The following TMPRSS3 variants were observed in gnomAD, a reference collection of about 807,000 sequenced individuals.
TMPRSS3 encodes the protein transmembrane protease serine 3.
A neutral mutation model predicts 59.6 loss-of-function variants in TMPRSS3; 55 were observed. The observed-to-expected ratio is 0.92, with a 90% CI of 0.74 to 1.16. TMPRSS3 has a LOEUF of 1.16. Among genes scored for constraint, TMPRSS3 ranks in the 50% most tolerant of loss-of-function variants. The probability of loss-of-function intolerance (pLI) is 0.00; values close to 1 mark genes in which losing one functional copy is unlikely to be tolerated. For missense variants in TMPRSS3, 596 were observed against 579.4 expected (o/e 1.03, Z -0.29); for synonymous variants, 257 against 237.7 (o/e 1.08, Z -0.75).
At chr21:42,382,591 C>A in intron 8 of TMPRSS3, 3 of 392,654 alleles carry the variant, frequency 7.6e-6, no homozygotes, top group South Asian at 7.4e-5. Flanking sequence ...GTTTGGAAGT[C>A]TTTTCTGTAG....
chr21:42,387,398 A>C (rs1399979923), intron 5 of TMPRSS3, among the ~76,000 whole-genome samples: 1 of 74,848 alleles, frequency 1.3e-5, no homozygotes, highest in Non-Finnish European at 2.4e-5. Flanking sequence ...GTGTGTGTGT[A>C]CCTCTTCCTC....
intron 12 of TMPRSS3, among the ~76,000 whole-genome samples, chr21:42,374,599 A>G (rs1381185427): frequency 6.6e-6 from 1 of 152,154 alleles, no homozygotes; most frequent in Admixed American, 6.5e-5. Context: ...GTGGGGAGTA[A>G]CTGCGTGCTT....
chr21:42,394,010 G>A (rs1184347807), intron 2 of TMPRSS3, among the ~76,000 whole-genome samples: 2 of 152,080 alleles, frequency 1.3e-5, no homozygotes, highest in Non-Finnish European at 2.9e-5. Flanking sequence ...ATAGAAAAAG[G>A]CAAGAAATTC....
intron 2 of TMPRSS3, among the ~76,000 whole-genome samples, chr21:42,394,484 G>T (rs922668567): frequency 6.6e-6 from 1 of 152,158 alleles, no homozygotes; most frequent in Non-Finnish European, 1.5e-5. Context: ...GTGATTGCAA[G>T]ATTTTTTTTT....
chr21:42,385,670 T>G, intron 5 of TMPRSS3, 136 bp from the exon 6 acceptor site: 1 of 1,160,618 alleles, frequency 8.6e-7, no homozygotes, highest in Non-Finnish European at 1.3e-6. Context: ...ATCAAAGGCT[T>G]CCTTTGCCAA....
intron 11 of TMPRSS3, 57 bp from the exon 12 acceptor site, chr21:42,375,925 T>C (rs748451655): frequency 6.8e-6 from 11 of 1,606,132 alleles, no homozygotes; most frequent in Non-Finnish European, 9.3e-6. Context: ...GCGAGATTGC[T>C]TTCTGTGGAC....
At chr21:42,373,111 A>G (rs1040168521) in intron 12 of TMPRSS3, among the ~76,000 whole-genome samples, 5 of 152,204 alleles carry the variant, frequency 3.3e-5, no homozygotes, top group Non-Finnish European at 5.9e-5. Context: ...TAGATAGAGA[A>G]AAGTGCTGGA....
At chr21:42,389,626 C>T (rs993774779) in intron 3 of TMPRSS3, among the ~76,000 whole-genome samples, 2 of 152,250 alleles carry the variant, frequency 1.3e-5, no homozygotes, top group Admixed American at 6.5e-5. Flanking sequence ...CCCGCTGCCC[C>T]GGTCAGTGCC....
At chr21:42,380,357 C>T in intron 9 of TMPRSS3, 145 bp from the exon 10 acceptor site, 2 of 725,210 alleles carry the variant, frequency 2.8e-6, no homozygotes, top group Non-Finnish European at 4.9e-6. Context: ...AAACGATCAG[C>T]TCACAGCAGG....
intron 1 of TMPRSS3, 113 bp downstream of exon 1, chr21:42,395,829 A>G: frequency 2.3e-6 from 1 of 432,614 alleles, no homozygotes. Context: ...AATTACTCTC[A>G]AAGCCCTTTC....
chr21:42,371,933 C>T lies in TMPRSS3; in HGVS notation c.*829G>A, dbSNP rs562018552. 1.5e-5 allele frequency: 7 copies of T among 454,490 alleles called. No individual in the cohort carries two copies. Among genetic ancestry groups the T allele is most frequent in the South Asian group, 4.7e-5 (3 of 64,476 alleles). The allele number at this position is 454,490 out of a possible 1,614,324, so 28.2% of individuals were successfully genotyped here. A position where few individuals can be genotyped will look rare whatever the true frequency, so the allele number is the denominator to read the frequency against. The stretch of plus-strand genomic sequence containing the variant: ...TATTTGGAATCAAAGGACAATAATA[C>T]GTCAAGCACCAAATGCTACAAAGAA... On this transcript the variant is annotated 3_prime_UTR_variant, in exon 13 of 13. Coordinates refer to ENST00000644384, the MANE Select transcript of TMPRSS3 (RefSeq NM_001256317.3).
At chr21:42,384,508 C>A (rs990852836) in intron 6 of TMPRSS3, among the ~76,000 whole-genome samples, 1 of 152,212 alleles carries the variant, frequency 6.6e-6, no homozygotes, top group Non-Finnish European at 1.5e-5. Context: ...ACCCCCACCC[C>A]CACACACAGG....
chr21:42,374,943 C>T (rs1458572551), intron 12 of TMPRSS3, among the ~76,000 whole-genome samples: 1 of 151,956 alleles, frequency 6.6e-6, no homozygotes, highest in East Asian at 1.9e-4. Flanking sequence ...TTCTAAGATC[C>T]CATCAACCGT....
Position 42,380,153 on chromosome 21 carries a change from A to C in TMPRSS3, c.1012T>G (p.Cys338Gly), listed in dbSNP as rs2052500647. The C allele has an allele frequency of 6.2e-7, 1 of 1,614,156 alleles. No individual in the cohort carries two copies. The highest frequency in any genetic ancestry group is 8.5e-7 in the Non-Finnish European group (1 of 1,180,010). The change falls in exon 10 of 13, where the codon TGC becomes GGC. Residue 338 changes from cysteine (C) to glycine (G), a missense_variant. Coordinates refer to ENST00000644384, the MANE Select transcript of TMPRSS3 (RefSeq NM_001256317.3). ...SEENFPDGKV[C>G]WTSGWGATED... ...GTGGCCCCCCATCCTGACGTCCAGC[A>C]CACTTTTCCATCGGGGAAGTTCTCT...
At chr21:42,391,818 G>A (rs2146455960) in intron 2 of TMPRSS3, among the ~76,000 whole-genome samples, 1 of 152,140 alleles carries the variant, frequency 6.6e-6, no homozygotes, top group East Asian at 1.9e-4. Flanking sequence ...TTGCAAGTAG[G>A]GTGACATCTC....
rs377249231 is a variant in TMPRSS3, at chr21:42,375,944, G to A, written c.1192-76C>T. The A allele has an allele frequency of 1.2e-4, 187 of 1,582,568 alleles. 1 individual carries two copies. The highest frequency in any genetic ancestry group is 1.1e-3 in the East Asian group (51 of 44,720). On this transcript the variant is annotated intron_variant, in intron 11 of 12. Coordinates refer to ENST00000644384, the MANE Select transcript of TMPRSS3 (RefSeq NM_001256317.3). ...GATTGCTTTCTGTGGACAGTCTGCC[G>A]TGTGAGGCTGCTTGCTATGGAGTTG...
Position 42,388,271 on chromosome 21 carries a change from C to T in TMPRSS3, c.446+132G>A. The T allele has an allele frequency of 7.9e-7, 1 of 1,271,904 alleles. No individual in the cohort carries two copies. The highest frequency in any genetic ancestry group is 1.1e-6 in the Non-Finnish European group (1 of 886,692). The allele number at this position is 1,271,904 out of a possible 1,614,324, so 78.8% of individuals were successfully genotyped here. ...TGAAGTGAGGATGATATCGGGCATC[C>T]TAAGGTGGATGTGAGGATGTAATCT... is the stretch of plus-strand genomic sequence containing the variant. On this transcript the variant is annotated intron_variant, in intron 5 of 12. Transcript: ENST00000644384. This position sits in a 1 kb window ranked among gnomAD's most constrained non-coding sequence, Gnocchi z 5.1.
At chr21:42,390,058 G>A (rs991625925) in intron 2 of TMPRSS3, 21 bp from the exon 3 acceptor site, 1 of 1,580,088 alleles carries the variant, frequency 6.3e-7, no homozygotes, top group Non-Finnish European at 8.7e-7. Flanking sequence ...GAAAAAGGAA[G>A]AGCAGAAAGC....
chr21:42,372,063 A>T lies in TMPRSS3; in HGVS notation c.*699T>A, dbSNP rs1184056857. 4.4e-6 allele frequency: 2 copies of T among 454,222 alleles called. No homozygotes were observed. Among genetic ancestry groups the T allele is most frequent in the Non-Finnish European group, 8.8e-6 (2 of 226,792 alleles). 28.1% of individuals were successfully genotyped at this position (454,222 alleles called of 1,614,324 possible). A position where few individuals can be genotyped will look rare whatever the true frequency, so the allele number is the denominator to read the frequency against. ...GTGGGTTTGGTTCTGGTCCCTAGAG[A>T]TGAAAACGTGCAGTGACTGCAGTTC... On this transcript the variant is annotated 3_prime_UTR_variant, in exon 13 of 13. Transcript: ENST00000644384.
Sources: gnomAD v4.1 joint callset for allele counts (sites outside exome capture counted in the v4.1 genomes callset) on GRCh38, gnomAD v4.1.1 for gene constraint, Gnocchi (gnomAD v3.1) non-coding constraint, MANE v1.5 for transcripts, NCBI Gene and HGNC (gene_info 2026-07-23, HGNC 2026-07-21) for gene names.